Variants in CCDC197 observed in about 807,000 individuals in gnomAD.
The protein encoded by CCDC197 is coiled-coil domain containing 197.
Under a neutral mutation model 13.4 loss-of-function variants are expected in CCDC197, and 24 were observed. That is an observed-to-expected ratio of 1.80 (90% CI 1.30 to 2.53). The LOEUF is 2.53. Ranked by LOEUF, CCDC197 falls within the 30% of genes most tolerant of loss-of-function variation. The probability of loss-of-function intolerance (pLI) is 0.00; values close to 1 mark genes in which losing one functional copy is unlikely to be tolerated. For missense variants in CCDC197, 255 were observed against 148.8 expected (o/e 1.71, Z -3.71); for synonymous variants, 99 against 55.5 (o/e 1.78, Z -3.48).
chr14:94,008,659 G>A lies in CCDC197; in HGVS notation c.666G>A (p.Thr222=), dbSNP rs769375047. The A allele has an allele frequency of 1.4e-5, 10 of 702,914 alleles. No homozygotes were observed. Among genetic ancestry groups the A allele is most frequent in the South Asian group, 8.9e-5 (6 of 67,600 alleles). 43.5% of individuals were successfully genotyped at this position (702,914 alleles called of 1,614,324 possible). A position where few individuals can be genotyped will look rare whatever the true frequency, so the allele number is the denominator to read the frequency against. The part of the protein sequence containing the change: ...METVRLIALL[T]EPKVCWSWDS... ...CTGTAAGACTGATCGCACTGCTCAC[G>A]GAACCCAAAGTGTGCTGGTCATGGG... The change falls in exon 7 of 7, where the codon ACG becomes ACA. Residue 222 remains threonine, a synonymous_variant. Coordinates refer to ENST00000636493, the MANE Select transcript of CCDC197 (RefSeq NM_001351596.2).
downstream of CCDC197, among the ~76,000 whole-genome samples, chr14:94,009,705 G>A (rs752207893): frequency 6.6e-6 from 1 of 152,156 alleles, no homozygotes; most frequent in Non-Finnish European, 1.5e-5. Flanking sequence ...CTCCAGTGTG[G>A]GTGACAGAGC....
At chr14:94,008,997 C>A (rs1476225851), downstream of CCDC197, 3 of 547,636 alleles carry the variant, frequency 5.5e-6, no homozygotes, top group African/African-American at 1.9e-5. Flanking sequence ...GGCAGGGATC[C>A]AGGTAAGGCC....
At chr14:93,989,754 G>C (rs1890173939) in intron 1 of CCDC197, among the ~76,000 whole-genome samples, 1 of 152,202 alleles carries the variant, frequency 6.6e-6, no homozygotes. Flanking sequence ...ATGTGCTGTA[G>C]GTTAGAAGCC....
chr14:93,996,594 A>C (rs1890317840), upstream of CCDC197, among the ~76,000 whole-genome samples: 2 of 148,134 alleles, frequency 1.4e-5, no homozygotes, highest in African/African-American at 2.5e-5. Flanking sequence ...TGCCTCCTTC[A>C]CCCTCTCTGG....
upstream of CCDC197, among the ~76,000 whole-genome samples, chr14:93,995,981 C>A (rs1890287027): frequency 6.6e-6 from 1 of 152,238 alleles, no homozygotes. Flanking sequence ...GCAGGATGTG[C>A]AAGCTGTTCC....
In CCDC197 at chr14:94,001,284, C is replaced by T. The variant is rs757321739; in HGVS notation, c.327C>T (p.Ser109=). The change falls in exon 4 of 7, where the codon AGC becomes AGT. Residue 109 remains serine (S), a synonymous_variant. Transcript: ENST00000636493. Reference sequence around the variant, plus strand: ...AGATGATCCAGGCTGTCCACCGGAGCCTGGAGTCTCTGGAGGAGGACCACA... The same window carrying T: ...AGATGATCCAGGCTGTCCACCGGAGTCTGGAGTCTCTGGAGGAGGACCACA... The part of the protein sequence containing the change: ...FCQMIQAVHR[S]LESLEEDHRA... The T allele has an allele frequency of 1.3e-6, 1 of 780,270 alleles. No homozygotes were observed. The allele number at this position is 780,270 out of a possible 1,614,324, so 48.3% of individuals were successfully genotyped here.
At chr14:94,006,212 G>A (rs1452667330) in intron 6 of CCDC197, among the ~76,000 whole-genome samples, 2 of 152,120 alleles carry the variant, frequency 1.3e-5, no homozygotes, top group African/African-American at 4.8e-5. Flanking sequence ...GTGTGAAGTG[G>A]CATCTCATTG....
intron 2 of CCDC197, chr14:93,999,281 C>T (rs1890416042): frequency 6.0e-6 from 2 of 333,922 alleles, no homozygotes; most frequent in South Asian, 8.4e-5. Context: ...TGCACAGCCT[C>T]CAGGGGAGGC....
chr14:93,998,549 C>T (rs1277813222), intron 2 of CCDC197, among the ~76,000 whole-genome samples: 1 of 152,166 alleles, frequency 6.6e-6, no homozygotes, highest in Non-Finnish European at 1.5e-5. Flanking sequence ...CCCTCTAAGG[C>T]CAGTCTACGA....
downstream of CCDC197, chr14:94,008,939 C>T: frequency 1.7e-6 from 1 of 600,436 alleles, no homozygotes; most frequent in Non-Finnish European, 3.0e-6. Context: ...TGGTCAGGGT[C>T]CTGGGCTCAG....
chr14:94,011,593 C>G (rs1044791462), downstream of CCDC197, among the ~76,000 whole-genome samples: 7 of 152,208 alleles, frequency 4.6e-5, no homozygotes, highest in Non-Finnish European at 7.3e-5. Flanking sequence ...CCCCCATGAC[C>G]CTGCACCTTC....
chr14:93,994,957 T>C (rs1011143374), upstream of CCDC197, among the ~76,000 whole-genome samples: 1 of 152,176 alleles, frequency 6.6e-6, no homozygotes, highest in African/African-American at 2.4e-5. Flanking sequence ...GGATCTTGAC[T>C]TTCTGGATTA....
chr14:94,008,915 G>T (rs149668678), downstream of CCDC197: 1,203 of 618,386 alleles, frequency 1.9e-3, 9 homozygotes, highest in African/African-American at 0.019. Context: ...GAGAGTCTGG[G>T]GGCATTGAGG....
In CCDC197 at chr14:93,999,590, A is replaced by C. The variant is rs1180147535; in HGVS notation, c.112A>C (p.Lys38Gln). 5 of 780,852 alleles carry C rather than the reference A, an allele frequency of 6.4e-6. No individual in the cohort carries two copies. Among genetic ancestry groups the C allele is most frequent in the Admixed American group, 1.7e-5 (1 of 59,018 alleles). The allele number at this position is 780,852 out of a possible 1,614,324, so 48.4% of individuals were successfully genotyped here. A position where few individuals can be genotyped will look rare whatever the true frequency, so the allele number is the denominator to read the frequency against. The change falls in exon 3 of 7, where the codon AAG becomes CAG. Residue 38 changes from lysine to glutamine, a missense_variant. Lys to Gln is a moderately conservative substitution (Grantham distance 53). Transcript: ENST00000636493. ...ELYQLQAKQK[K>Q]LKREVEKHKL... ...CTGCATCTGGCTCTACAGGCAGAAG[A>C]AGCTCAAGAGAGAAGTCGAGAAGCA...
At chr14:94,010,193 T>G (rs975934160), downstream of CCDC197, among the ~76,000 whole-genome samples, 1 of 147,372 alleles carries the variant, frequency 6.8e-6, no homozygotes, top group Non-Finnish European at 1.5e-5. Context: ...TTTGGGGTGT[T>G]TGTTTGTTTG....
intron 4 of CCDC197, 113 bp downstream of exon 4, chr14:94,001,436 C>T: frequency 3.6e-6 from 2 of 559,206 alleles, no homozygotes; most frequent in Non-Finnish European, 6.4e-6. Context: ...CGGCGTAATG[C>T]TGGGGGGCCC....
intron 6 of CCDC197, chr14:94,006,925 A>C (rs1890695690): frequency 6.6e-6 from 1 of 152,146 alleles, no homozygotes; most frequent in Admixed American, 6.5e-5. Context: ...CCTGGGTTCA[A>C]GCGATTCTCC....
upstream of CCDC197, among the ~76,000 whole-genome samples, chr14:93,994,282 C>A (rs1198187634): frequency 6.6e-6 from 1 of 152,214 alleles, no homozygotes; most frequent in Non-Finnish European, 1.5e-5. Flanking sequence ...CCAGCATTTT[C>A]ATTTTGTACT....
intron 5 of CCDC197, among the ~76,000 whole-genome samples, chr14:94,004,336 T>C (rs1890621503): frequency 6.6e-6 from 1 of 151,838 alleles, no homozygotes; most frequent in Admixed American, 6.6e-5. Context: ...GGTCATGGAG[T>C]GAGTGTGAGA....
Sources: gnomAD v4.1 joint callset for allele counts (sites outside exome capture counted in the v4.1 genomes callset) on GRCh38, gnomAD v4.1.1 for gene constraint, MANE v1.5 for transcripts, NCBI Gene and HGNC (gene_info 2026-07-23, HGNC 2026-07-21) for gene names.